NDUFAF6: variants seen among roughly 807,000 people sequenced by gnomAD.
NDUFAF6 encodes NADH:ubiquinone oxidoreductase complex assembly factor 6, also known as NADH dehydrogenase (ubiquinone) complex I, assembly factor 6.
In NDUFAF6, 45 loss-of-function variants were observed where a neutral mutation model predicts 40.8. That is an observed-to-expected ratio of 1.10 (90% CI 0.87 to 1.42). The LOEUF (loss-of-function observed/expected upper bound fraction) is 1.42, where lower values mean the gene tolerates loss of function less well. Ranked by LOEUF, NDUFAF6 falls within the 40% of genes most tolerant of loss-of-function variation. The pLI is 0.00. For missense variants in NDUFAF6, 435 were observed against 418.5 expected, an observed-to-expected ratio of 1.04 and a Z score of -0.34; for synonymous variants, 185 against 155.9, an observed-to-expected ratio of 1.19 and a Z score of -1.39.
At chr8:95,069,853 T>C (rs953795399) in intron 9 of NDUFAF6, among the ~76,000 whole-genome samples, 1 of 148,048 alleles carries the variant, frequency 6.8e-6, no homozygotes, top group African/African-American at 2.5e-5. Flanking sequence ...ATTATTTTTT[T>C]CCAAAGATCT....
intron 1 of NDUFAF6, among the ~76,000 whole-genome samples, chr8:94,966,933 G>A (rs1483192196): frequency 6.6e-6 from 1 of 152,110 alleles, no homozygotes; most frequent in East Asian, 1.9e-4. Flanking sequence ...CCAAAACTTA[G>A]AACTATTTTC....
At chr8:94,957,327 T>C (rs1397954588), upstream of NDUFAF6, among the ~76,000 whole-genome samples, 1 of 152,164 alleles carries the variant, frequency 6.6e-6, no homozygotes, top group Non-Finnish European at 1.5e-5. Flanking sequence ...GTGCAACTTA[T>C]CAGCTTTAAT....
At chr8:94,921,580 T>C (rs1586654775) in intron 1 of NDUFAF6, among the ~76,000 whole-genome samples, 1 of 152,228 alleles carries the variant, frequency 6.6e-6, no homozygotes, top group Non-Finnish European at 1.5e-5. Flanking sequence ...CCTTCTTTAC[T>C]CAATGTTTTT....
chr8:94,932,156 T>A (rs759095553), intron 1 of NDUFAF6: 6 of 1,572,340 alleles, frequency 3.8e-6, no homozygotes, highest in Non-Finnish European at 3.5e-6. Flanking sequence ...AGATTTAAAA[T>A]GCTATTGTAA....
chr8:95,067,522 T>C (rs766941037), intron 9 of NDUFAF6: 1 of 151,930 alleles, frequency 6.6e-6, no homozygotes, highest in Non-Finnish European at 1.5e-5. Context: ...AGCTGGCTGT[T>C]CTAATAGCCA....
intron 2 of NDUFAF6, chr8:95,102,879 G>A (rs1424968917): frequency 6.6e-6 from 1 of 152,174 alleles, no homozygotes; most frequent in Non-Finnish European, 1.5e-5. Context: ...GGCCCAGCTA[G>A]ATTTTTGCTC....
intron 8 of NDUFAF6, among the ~76,000 whole-genome samples, chr8:95,054,055 A>G (rs1359349621): frequency 7.3e-6 from 1 of 137,622 alleles, no homozygotes; most frequent in Non-Finnish European, 1.5e-5. Flanking sequence ...TGATCCTCCC[A>G]CCTCAGCCTC....
chr8:95,092,367 A>T (rs898147829), intron 2 of NDUFAF6, among the ~76,000 whole-genome samples: 1 of 151,436 alleles, frequency 6.6e-6, no homozygotes, highest in Non-Finnish European at 1.5e-5. Context: ...TTTTTAGTAG[A>T]GACGAGGTTT....
upstream of NDUFAF6, among the ~76,000 whole-genome samples, chr8:94,954,991 G>A (rs556953862): frequency 3.3e-5 from 5 of 152,300 alleles, no homozygotes; most frequent in South Asian, 2.1e-4. Context: ...ACTCTGTGCT[G>A]TCTGGTAAGG....
intron 3 of NDUFAF6, chr8:95,036,281 T>C: frequency 7.9e-7 from 1 of 1,270,674 alleles, no homozygotes; most frequent in Non-Finnish European, 1.0e-6. Flanking sequence ...ATCACTGATC[T>C]GTGTCCCTGT....
chr8:95,022,198 A>C (rs2131700954), upstream of NDUFAF6, among the ~76,000 whole-genome samples: 1 of 152,284 alleles, frequency 6.6e-6, no homozygotes, highest in South Asian at 2.1e-4. Flanking sequence ...AGTTTTCCAT[A>C]CATTAGGTAT....
chr8:95,094,417 A>AT (rs1307165885), intron 2 of NDUFAF6, among the ~76,000 whole-genome samples: 792 of 62,012 alleles, frequency 0.013, 20 homozygotes, highest in Middle Eastern at 0.043. Flanking sequence ...TTTTTTTTGG[A>AT]TTTTTTTTTT....
chr8:95,060,697 C>T (rs1165726902), downstream of NDUFAF6, among the ~76,000 whole-genome samples: 1 of 152,204 alleles, frequency 6.6e-6, no homozygotes, highest in Non-Finnish European at 1.5e-5. Flanking sequence ...GATGCCAGAT[C>T]CACATTAGTT....
chr8:94,940,243 G>A (rs1358617883), intron 1 of NDUFAF6: 1 of 1,577,160 alleles, frequency 6.3e-7, no homozygotes, highest in Non-Finnish European at 8.6e-7. Flanking sequence ...CCACATTGCA[G>A]TCCACATGTG....
At chr8:94,986,273 A>G (rs1275624059) in intron 2 of NDUFAF6, among the ~76,000 whole-genome samples, 1 of 152,206 alleles carries the variant, frequency 6.6e-6, no homozygotes, top group African/African-American at 2.4e-5. Context: ...AACATTAAGA[A>G]GTTTTTAAGT....
rs560202357 is a variant in NDUFAF6 at position 94,971,014 on chromosome 8, G to A, written c.-198-9845G>A. Among the ~76,000 whole-genome samples the A allele has an allele frequency of 1.1e-4, 16 of 152,292 alleles. No individual in the cohort carries two copies. The East Asian group carries it at 1.7e-3, about 17-fold the overall frequency. On this transcript the variant is annotated intron_variant, in intron 1 of 9. Transcript: ENST00000396111. The stretch of plus-strand genomic sequence containing the variant: ...TGTGCTGGCTTCTCTGCCAAGTCCT[G>A]GGAGTATAAAGATAATTCAGAAAGT...
downstream of NDUFAF6, among the ~76,000 whole-genome samples, chr8:95,078,209 C>A (rs1563856884): frequency 6.6e-6 from 1 of 152,160 alleles, no homozygotes; most frequent in Non-Finnish European, 1.5e-5. Flanking sequence ...GGTCGGTCCC[C>A]TGAGGCATGG....
chr8:95,096,048 G>C (rs1809453995), upstream of NDUFAF6, among the ~76,000 whole-genome samples: 1 of 152,172 alleles, frequency 6.6e-6, no homozygotes, highest in Non-Finnish European at 1.5e-5. Flanking sequence ...CAGTTTTTAA[G>C]TTTATACATC....
intron 2 of NDUFAF6, among the ~76,000 whole-genome samples, chr8:95,018,975 A>C (rs1478171111): frequency 6.6e-6 from 1 of 152,186 alleles, no homozygotes; most frequent in Non-Finnish European, 1.5e-5. Context: ...TGAAAATGAC[A>C]TTATCATCAG....
Sources: allele counts gnomAD v4.1 joint callset (sites outside exome capture counted in the v4.1 genomes callset), GRCh38; gene constraint gnomAD v4.1.1; transcripts MANE v1.5; gene names NCBI Gene and HGNC (gene_info 2026-07-23, HGNC 2026-07-21).